The following LARGE1 variants were observed in gnomAD, a reference collection of about 807,000 sequenced individuals.
The protein encoded by LARGE1 is xylosyl- and glucuronyltransferase LARGE1.
LARGE1 carries 43 observed loss-of-function variants against 87.6 expected under a neutral mutation model. That is an observed-to-expected ratio of 0.49 (90% confidence interval 0.38 to 0.63). The LOEUF is 0.63. Ranked by LOEUF, LARGE1 falls within the 30% of genes least tolerant of loss-of-function variation. LARGE1 has a pLI of 0.00. For synonymous variants in LARGE1, 434 were observed against 394.6 expected (o/e 1.10, Z -1.18); for missense variants, 802 against 1,000.2 (o/e 0.80, Z 2.67).
chr22:33,604,616 G>C, intron 4 of LARGE1, 58 bp from the exon 5 acceptor site: 2 of 1,609,642 alleles, frequency 1.2e-6, no homozygotes, highest in Non-Finnish European at 1.7e-6. Context: ...TTGAATTACA[G>C]CTGCAAAAAC....
chr22:33,642,939 A>G (rs1156543124), intron 3 of LARGE1, among the ~76,000 whole-genome samples: 1 of 152,116 alleles, frequency 6.6e-6, no homozygotes, highest in African/African-American at 2.4e-5. Flanking sequence ...ACTCCCACAC[A>G]ATAATAGTGG....
intron 6 of LARGE1, among the ~76,000 whole-genome samples, chr22:33,473,383 T>A (rs1198165315): frequency 6.6e-6 from 1 of 152,096 alleles, no homozygotes; most frequent in Non-Finnish European, 1.5e-5. Context: ...GAAGTCTCAC[T>A]CTGTTGCTCA....
intron 11 of LARGE1, among the ~76,000 whole-genome samples, chr22:33,189,930 A>G (rs950162476): frequency 1.3e-5 from 2 of 152,240 alleles, no homozygotes; most frequent in Non-Finnish European, 2.9e-5. Flanking sequence ...TTTTGATACC[A>G]GAATTCACAA....
chr22:33,569,820 C>T (rs1454183276), intron 5 of LARGE1, among the ~76,000 whole-genome samples: 23 of 152,214 alleles, frequency 1.5e-4, no homozygotes, highest in Non-Finnish European at 1.5e-5. Context: ...TTCCATGCCC[C>T]TCTCCTGCAC....
At chr22:33,731,981 T>C (rs1205965598) in intron 2 of LARGE1, among the ~76,000 whole-genome samples, 1 of 152,226 alleles carries the variant, frequency 6.6e-6, no homozygotes, top group Non-Finnish European at 1.5e-5. Context: ...AAAATAATGA[T>C]TAAGCATTCA....
chr22:33,265,237 C>A (rs1215894118), intron 11 of LARGE1, among the ~76,000 whole-genome samples: 1 of 152,086 alleles, frequency 6.6e-6, no homozygotes, highest in Non-Finnish European at 1.5e-5. Flanking sequence ...CCTTTGGGGT[C>A]TAAGTTCTTG....
intron 9 of LARGE1, among the ~76,000 whole-genome samples, chr22:33,360,481 AT>A (rs964668114): frequency 6.7e-6 from 1 of 149,490 alleles, no homozygotes; most frequent in African/African-American, 2.5e-5. Context: ...CACATGTCTT[AT>A]GTGGGCCAGA....
chr22:33,101,869 T>A, the LARGE1 span, among the ~76,000 whole-genome samples: 33 of 152,344 alleles, frequency 2.2e-4, no homozygotes, highest in South Asian at 6.4e-3. Flanking sequence ...AGCAAATTTA[T>A]GTTTCTGTGA....
At chr22:33,551,817 C>G (rs2077528488) in intron 6 of LARGE1, among the ~76,000 whole-genome samples, 1 of 151,856 alleles carries the variant, frequency 6.6e-6, no homozygotes, top group South Asian at 2.1e-4. Flanking sequence ...ATCTAGCAAC[C>G]CCATCTCTAC....
intron 4 of LARGE1, among the ~76,000 whole-genome samples, chr22:33,612,995 C>T (rs940425984): frequency 1.3e-5 from 2 of 152,208 alleles, no homozygotes; most frequent in African/African-American, 4.8e-5. Context: ...AGAAACCTCA[C>T]CCTCACCTTT....
chr22:33,285,734 C>T (rs1282261623), intron 12 of LARGE1, among the ~76,000 whole-genome samples: 1 of 152,174 alleles, frequency 6.6e-6, no homozygotes, highest in Admixed American at 6.5e-5. Flanking sequence ...CTAGAGCTGG[C>T]GTGCAAAGAG....
chr22:33,514,620 A>G (rs1268781261), intron 6 of LARGE1, among the ~76,000 whole-genome samples: 1 of 152,176 alleles, frequency 6.6e-6, no homozygotes, highest in African/African-American at 2.4e-5. Context: ...ACCCCATTTA[A>G]TATAAGGAAC....
chr22:33,659,204 T>C (rs1336433016), intron 2 of LARGE1, among the ~76,000 whole-genome samples: 2 of 152,226 alleles, frequency 1.3e-5, no homozygotes, highest in Non-Finnish European at 2.9e-5. Flanking sequence ...AATATATGTT[T>C]CAATTTTTCA....
chr22:33,745,099 C>A (rs1317912692), intron 2 of LARGE1, among the ~76,000 whole-genome samples: 1 of 152,158 alleles, frequency 6.6e-6, no homozygotes, highest in Non-Finnish European at 1.5e-5. Context: ...GGATTTCACC[C>A]AGGGAACAGA....
chr22:33,326,027 G>A (rs1051555119), intron 10 of LARGE1, among the ~76,000 whole-genome samples: 13 of 152,196 alleles, frequency 8.5e-5, no homozygotes, highest in African/African-American at 2.2e-4. Context: ...CAGACAGGCA[G>A]AAAAAGCTCA....
intron 11 of LARGE1, among the ~76,000 whole-genome samples, chr22:33,241,974 T>A (rs1225085436): frequency 6.6e-6 from 1 of 152,170 alleles, no homozygotes; most frequent in African/African-American, 2.4e-5. Context: ...ATGCATTACA[T>A]AATTCAAAAT....
At chr22:33,718,604 C>T (rs2082982050) in intron 2 of LARGE1, among the ~76,000 whole-genome samples, 1 of 152,218 alleles carries the variant, frequency 6.6e-6, no homozygotes, top group Non-Finnish European at 1.5e-5. Context: ...TCTTTCCATC[C>T]TGATCCACAG....
At chr22:33,364,864 T>G (rs1283291300) in intron 9 of LARGE1, among the ~76,000 whole-genome samples, 1 of 150,070 alleles carries the variant, frequency 6.7e-6, no homozygotes, top group East Asian at 1.9e-4. Flanking sequence ...GCCGGCTAAT[T>G]TTTTATTTTT....
chr22:33,240,993 A>C, intron 11 of LARGE1, among the ~76,000 whole-genome samples: 1 of 152,166 alleles, frequency 6.6e-6, no homozygotes, highest in East Asian at 1.9e-4. Flanking sequence ...CATTCTTCCC[A>C]GGAGGAGTGC....
Sources: allele counts gnomAD v4.1 joint callset (sites outside exome capture counted in the v4.1 genomes callset), GRCh38; gene constraint gnomAD v4.1.1; transcripts MANE v1.5; gene names NCBI Gene and HGNC (gene_info 2026-07-23, HGNC 2026-07-21).